The following BCAS3 variants were observed in gnomAD, a reference collection of about 807,000 sequenced individuals.
The protein encoded by BCAS3 is BCAS3 microtubule associated cell migration factor, also known as BCAS4/BCAS3 fusion.
Under a neutral mutation model 116.1 loss-of-function variants are expected in BCAS3, and 53 were observed. That is an observed-to-expected ratio of 0.46 (90% CI 0.37 to 0.57). The LOEUF (loss-of-function observed/expected upper bound fraction) is 0.57. BCAS3 is among the 20% of genes least tolerant of loss of function. BCAS3 has a pLI of 0.00. For missense variants in BCAS3, 917 were observed against 1,165.4 expected, an observed-to-expected ratio of 0.79 and a Z score of 3.10; for synonymous variants, 391 against 408.2, an observed-to-expected ratio of 0.96 and a Z score of 0.51.
At chr17:60,896,737 C>G (rs2057538706) in intron 10 of BCAS3, among the ~76,000 whole-genome samples, 1 of 150,392 alleles carries the variant, frequency 6.6e-6, no homozygotes, top group Non-Finnish European at 1.5e-5. Context: ...AGGTAAGTTT[C>G]TTGTAAGGAG....
chr17:61,322,848 G>C (rs1036653041), intron 22 of BCAS3, among the ~76,000 whole-genome samples: 83 of 146,442 alleles, frequency 5.7e-4, no homozygotes, highest in African/African-American at 1.1e-3. Flanking sequence ...GAGAGAGAGA[G>C]AGAGAGACAG....
chr17:61,314,751 TCC>T (rs2054595650), intron 22 of BCAS3, among the ~76,000 whole-genome samples: 1 of 152,212 alleles, frequency 6.6e-6, no homozygotes, highest in South Asian at 2.1e-4. Context: ...CCCTATTCTC[TCC>T]CCTCTGTTGT....
At chr17:61,175,031 A>G (rs1397022522) in intron 22 of BCAS3, among the ~76,000 whole-genome samples, 2 of 152,164 alleles carry the variant, frequency 1.3e-5, no homozygotes, top group Non-Finnish European at 2.9e-5. Flanking sequence ...AGGTATTGGC[A>G]GGTGAGACTT....
chr17:61,174,349 T>C (rs2079020588), intron 22 of BCAS3, among the ~76,000 whole-genome samples: 1 of 152,192 alleles, frequency 6.6e-6, no homozygotes, highest in South Asian at 2.1e-4. Context: ...ACCACCGTTC[T>C]ACTATTCTCT....
At chr17:60,778,704 G>A (rs1041598396) in intron 6 of BCAS3, among the ~76,000 whole-genome samples, 2 of 152,164 alleles carry the variant, frequency 1.3e-5, no homozygotes, top group African/African-American at 2.4e-5. Flanking sequence ...CCAAAATTTA[G>A]AAGTGGATGT....
intron 9 of BCAS3, among the ~76,000 whole-genome samples, chr17:60,876,929 A>C (rs1300388575): frequency 6.6e-6 from 1 of 152,042 alleles, no homozygotes; most frequent in African/African-American, 2.4e-5. Flanking sequence ...TGTTCTCTTA[A>C]TAATAAAACC....
Position 61,363,443 on chromosome 17 carries a change from G to T in BCAS3, c.2426-4884G>T, listed in dbSNP as rs948091580. 1.5e-4 allele frequency among the ~76,000 whole-genome samples: 23 copies of T among 152,062 alleles called. 1 individual carries two copies. Among genetic ancestry groups the T allele is most frequent in the African/African-American group, 5.6e-4 (23 of 41,398 alleles). ...CCCCAGGAGATAGCCTGCGAAGACT[G>T]TTGCACTTACAACCAGATGCCTCAT... is the stretch of plus-strand genomic sequence containing the variant. On this transcript the variant is annotated intron_variant, in intron 22 of 23. Coordinates refer to ENST00000407086, the MANE Select transcript of BCAS3 (RefSeq NM_017679.5). The surrounding 1 kb of genome is among the most constrained non-coding windows in gnomAD (Gnocchi z 4.9).
At position 61,105,923 on chromosome 17, in the gene BCAS3, G is replaced by A. The variant is rs2074617449; in HGVS notation, c.2425+21359G>A. ...ACAATTCATACATGTTCAATTTTGT[G>A]CCTTTCTGAGTAGCCTGGTGAAATC... On this transcript the variant is annotated intron_variant, in intron 22 of 23. Transcript: ENST00000407086. This position sits in a 1 kb window ranked among gnomAD's most constrained non-coding sequence, Gnocchi z 4.3. 6.6e-6 allele frequency among the ~76,000 whole-genome samples: 1 copy of A among 152,130 alleles called. No homozygotes were observed. The highest frequency in any genetic ancestry group is 2.4e-5 in the African/African-American group (1 of 41,420).
At position 61,387,477 on chromosome 17, in the gene BCAS3, G is replaced by C. The variant is rs372695285; in HGVS notation, c.2594-4500G>C. 6.6e-6 allele frequency among the ~76,000 whole-genome samples: 1 copy of C among 152,194 alleles called. No individual in the cohort carries two copies. The highest frequency in any genetic ancestry group is 3.2e-3 in the Middle Eastern group (1 of 316). On this transcript the variant is annotated intron_variant, in intron 23 of 23. Coordinates refer to ENST00000407086, the MANE Select transcript of BCAS3 (RefSeq NM_017679.5). The surrounding 1 kb of genome is among the most constrained non-coding windows in gnomAD (Gnocchi z 6.2). ...GTGGGGCAGCATGAGGATCCAGCTTGCTTTTTTTTCACCCTGAGAACAGTA... is the reference window on the plus strand; with the variant it reads ...GTGGGGCAGCATGAGGATCCAGCTTCCTTTTTTTTCACCCTGAGAACAGTA...
At chr17:61,061,726 C>T (rs1013903506) in intron 19 of BCAS3, among the ~76,000 whole-genome samples, 3 of 152,122 alleles carry the variant, frequency 2.0e-5, no homozygotes, top group Admixed American at 6.5e-5. Context: ...ATGCATCTAA[C>T]ATTCAGGTTT....
chr17:61,124,203 T>A lies in BCAS3; in HGVS notation c.2425+39639T>A, dbSNP rs1803072852. On this transcript the variant is annotated intron_variant, in intron 22 of 23. Transcript: ENST00000407086. The surrounding 1 kb of genome is among the most constrained non-coding windows in gnomAD (Gnocchi z 4.6). Reference sequence around the variant, plus strand: ...ACCAATGGTTTCCTATTGGCTTCTTTAGCTGGAAAAATTATTTCTACAGGA... The same window carrying A: ...ACCAATGGTTTCCTATTGGCTTCTTAAGCTGGAAAAATTATTTCTACAGGA... Among the ~76,000 whole-genome samples, 1 of 152,150 alleles carries A rather than the reference T, an allele frequency of 6.6e-6. No homozygotes were observed. The highest frequency in any genetic ancestry group is 2.1e-4 in the South Asian group (1 of 4,820).
intron 12 of BCAS3, among the ~76,000 whole-genome samples, 200 bp from the exon 13 acceptor site, chr17:60,924,207 A>G (rs2059249531): frequency 6.6e-6 from 1 of 152,146 alleles, no homozygotes. Flanking sequence ...TAGAGTTTAT[A>G]TGACTGATGT....
intron 19 of BCAS3, among the ~76,000 whole-genome samples, chr17:61,045,175 G>A (rs911152434): frequency 6.6e-6 from 1 of 151,866 alleles, no homozygotes; most frequent in African/African-American, 2.4e-5. Context: ...TGGGACTTTT[G>A]GTACAATTTA....
chr17:61,194,116 C>T (rs1445388111), intron 22 of BCAS3, among the ~76,000 whole-genome samples: 1 of 151,526 alleles, frequency 6.6e-6, no homozygotes, highest in Non-Finnish European at 1.5e-5. Context: ...GACCCTGTCT[C>T]AGAAAAAGAA....
intron 22 of BCAS3, among the ~76,000 whole-genome samples, chr17:61,274,328 G>A (rs985301436): frequency 2.4e-5 from 3 of 126,038 alleles, no homozygotes; most frequent in Admixed American, 9.6e-5. Flanking sequence ...TCAGTTTGTC[G>A]CCCAGGCTGG....
chr17:60,920,878 AC>A (rs1349209327), intron 12 of BCAS3, among the ~76,000 whole-genome samples: 2 of 60,128 alleles, frequency 3.3e-5, no homozygotes, highest in East Asian at 2.8e-4. Flanking sequence ...GCAAACAACA[AC>A]AACAACAACA....
In BCAS3 at chr17:61,140,817, A is replaced by G. The variant is rs2076877750; in HGVS notation, c.2425+56253A>G. 6.6e-6 allele frequency among the ~76,000 whole-genome samples: 1 copy of G among 152,180 alleles called. No individual in the cohort carries two copies. Among genetic ancestry groups the G allele is most frequent in the African/African-American group, 2.4e-5 (1 of 41,424 alleles). On this transcript the variant is annotated intron_variant, in intron 22 of 23. Coordinates refer to ENST00000407086, the MANE Select transcript of BCAS3 (RefSeq NM_017679.5). The surrounding 1 kb of genome is among the most constrained non-coding windows in gnomAD (Gnocchi z 4.2). The stretch of plus-strand genomic sequence containing the variant: ...ATGACTCTATGACTTTGGGCACATT[A>G]CAGATTGTAATGTAGTGGATTGATG...
rs1277831932 is a variant in BCAS3 at position 60,961,569 on chromosome 17, G to A, written c.1221+14217G>A. Among the ~76,000 whole-genome samples the A allele has an allele frequency of 6.6e-6, 1 of 151,970 alleles. No individual in the cohort carries two copies. The highest frequency in any genetic ancestry group is 1.5e-5 in the Non-Finnish European group (1 of 67,988). On this transcript the variant is annotated intron_variant, in intron 14 of 23. Coordinates refer to ENST00000407086, the MANE Select transcript of BCAS3 (RefSeq NM_017679.5). The surrounding 1 kb of genome is among the most constrained non-coding windows in gnomAD (Gnocchi z 4.8). Reference sequence around the variant, plus strand: ...ACAGAAAAGTTGCAAAGATAGTATAGAAAGTTTCTATACCATATCAAATTT... The same window carrying A: ...ACAGAAAAGTTGCAAAGATAGTATAAAAAGTTTCTATACCATATCAAATTT...
At chr17:61,146,235 T>C (rs985560062) in intron 22 of BCAS3, among the ~76,000 whole-genome samples, 1 of 151,586 alleles carries the variant, frequency 6.6e-6, no homozygotes, top group African/African-American at 2.4e-5. Context: ...GTCTCCTGAG[T>C]AGCTGGGATT....
Sources: allele counts gnomAD v4.1 joint callset (sites outside exome capture counted in the v4.1 genomes callset), GRCh38; gene constraint gnomAD v4.1.1; non-coding constraint Gnocchi (gnomAD v3.1); transcripts MANE v1.5; gene names NCBI Gene and HGNC (gene_info 2026-07-23, HGNC 2026-07-21).